KDM5A: variants seen among roughly 807,000 people sequenced by gnomAD.
The protein encoded by KDM5A is lysine demethylase 5A.
KDM5A carries 42 observed loss-of-function variants against 193.5 expected under a neutral mutation model. The observed-to-expected ratio is 0.22, with a 90% CI of 0.17 to 0.28. KDM5A has a LOEUF of 0.28. Among genes scored for constraint, KDM5A ranks in the 10% least tolerant of loss-of-function variants. The probability of loss-of-function intolerance (pLI) is 1.00; values close to 1 mark genes in which losing one functional copy is unlikely to be tolerated. For synonymous variants in KDM5A, 796 were observed against 718.1 expected (o/e 1.11, Z -1.73); for missense variants, 1,692 against 2,055.1 (o/e 0.82, Z 3.42).
chr12:374,104 G>C (rs1944469037), intron 3 of KDM5A, among the ~76,000 whole-genome samples: 1 of 152,118 alleles, frequency 6.6e-6, no homozygotes, highest in Non-Finnish European at 1.5e-5. Context: ...GATCTGCTTG[G>C]TGCAGAGCTG....
chr12:313,275 A>AT, intron 19 of KDM5A, 81 bp from the exon 20 acceptor site: 1 of 1,482,420 alleles, frequency 6.7e-7, no homozygotes, highest in Non-Finnish European at 9.4e-7. Context: ...GAGAACTTTC[A>AT]TTTACATGAT....
chr12:374,602 T>A (rs376349655), intron 3 of KDM5A, among the ~76,000 whole-genome samples: 1 of 152,236 alleles, frequency 6.6e-6, no homozygotes, highest in Admixed American at 6.5e-5. Flanking sequence ...ATGTGTGAAT[T>A]TGATCCTGTC....
chr12:383,507 G>A (rs1459324929), intron 3 of KDM5A, among the ~76,000 whole-genome samples: 2 of 150,894 alleles, frequency 1.3e-5, no homozygotes, highest in Admixed American at 6.6e-5. Context: ...ATGAGCCACC[G>A]TGCCTGGCCC....
At position 302,448 on chromosome 12, in the gene KDM5A, G is replaced by A. The variant is rs141749963; in HGVS notation, c.4074+4498C>T. Among the ~76,000 whole-genome samples, 450 of 152,294 alleles carry A rather than the reference G, an allele frequency of 3.0e-3. 2 individuals are homozygous for A. Among genetic ancestry groups the A allele is most frequent in the African/African-American group, 0.01 (432 of 41,550 alleles). Reference sequence around the variant, plus strand: ...GACTCCCTATTTAATAAATGGTGTTGGGAAAACTGGCTTAGCCATATGCAG... The same window carrying A: ...GACTCCCTATTTAATAAATGGTGTTAGGAAAACTGGCTTAGCCATATGCAG... On this transcript the variant is annotated intron_variant, in intron 24 of 27. Coordinates refer to ENST00000399788, the MANE Select transcript of KDM5A (RefSeq NM_001042603.3).
chr12:307,531 C>A lies in KDM5A; in HGVS notation c.3853G>T (p.Glu1285Ter). 1 of 1,614,022 alleles carries A rather than the reference C, an allele frequency of 6.2e-7. No individual in the cohort carries two copies. Residue 1285 changes from glutamate (E) to a stop codon, truncating the protein, a stop_gained, in exon 23 of 28, where the codon GAA (glutamate) becomes TAA (stop). Transcript: ENST00000399788. LOFTEE classifies it high-confidence loss of function. The surrounding 1 kb of genome is among the most constrained non-coding windows in gnomAD (Gnocchi z 4.3). ...TCAGTTTTTTCTCGAGCCGCCTGTT[C>A]CACCATACGCTGGCTCAACACAGAT... Reference protein sequence around the residue: ...KLSVLSQRMVEQAAREKTEKI... With the variant: ...KLSVLSQRMV
Position 284,413 on chromosome 12 carries a change from T to C in KDM5A, c.*1043A>G. ...ATCCTCTGATGAAGCCATGGTGTTA[T>C]TCAACAGCATCTGCTGTGGGCCGTA... On this transcript the variant is annotated 3_prime_UTR_variant, in exon 28 of 28. Coordinates refer to ENST00000399788, the MANE Select transcript of KDM5A (RefSeq NM_001042603.3). 4.3e-6 allele frequency: 1 copy of C among 232,466 alleles called. No individual in the cohort carries two copies. The highest frequency in any genetic ancestry group is 8.5e-6 in the Non-Finnish European group (1 of 117,310). The allele number at this position is 232,466 out of a possible 1,614,324, so 14.4% of individuals were successfully genotyped here. A position where few individuals can be genotyped will look rare whatever the true frequency, so the allele number is the denominator to read the frequency against.
At chr12:328,066 A>C (rs1046527260) in intron 14 of KDM5A, among the ~76,000 whole-genome samples, 1 of 152,120 alleles carries the variant, frequency 6.6e-6, no homozygotes, top group Non-Finnish European at 1.5e-5. Flanking sequence ...GCATGAAAAA[A>C]CTTTTAGGGG....
At chr12:333,686 T>C (rs573471878) in intron 11 of KDM5A, 37 bp from the exon 12 acceptor site, 2 of 1,587,984 alleles carry the variant, frequency 1.3e-6, no homozygotes, top group African/African-American at 1.3e-5. Flanking sequence ...AGGCAGAACA[T>C]GGTACCAATG....
At position 295,558 on chromosome 12, in the gene KDM5A, G is replaced by A; in HGVS notation, c.4455+15C>T. 1.9e-6 allele frequency: 3 copies of A among 1,608,488 alleles called. No individual in the cohort carries two copies. Among genetic ancestry groups the A allele is most frequent in the Non-Finnish European group, 2.6e-6 (3 of 1,174,868 alleles). On this transcript the variant is annotated intron_variant, in intron 26 of 27. Transcript: ENST00000399788. Reference sequence around the variant, plus strand: ...TAGTTTTTAACCACTGTTTAAATAAGTATTAAATCCACACCTCCATGATAT... The same window carrying A: ...TAGTTTTTAACCACTGTTTAAATAAATATTAAATCCACACCTCCATGATAT...
intron 14 of KDM5A, among the ~76,000 whole-genome samples, chr12:324,939 T>C (rs1591913893): frequency 6.6e-6 from 1 of 152,302 alleles, no homozygotes; most frequent in East Asian, 1.9e-4. Context: ...CTCCATTTAT[T>C]ATATAACTTT....
Position 307,469 on chromosome 12 carries a change from G to C in KDM5A, c.3915C>G (p.Ala1305=). ...CTAAACTTGCCTGTAAGTCTGGATT[G>C]GCAGCTGCTTTTTGGAGTTCTGCAC... ...IISAELQKAA[A]NPDLQGHLPS... is the part of the protein sequence containing the mutation. Residue 1305 remains alanine (A), a synonymous_variant, in exon 23 of 28, where the codon GCC becomes GCG. Coordinates refer to ENST00000399788, the MANE Select transcript of KDM5A (RefSeq NM_001042603.3). This position sits in a 1 kb window ranked among gnomAD's most constrained non-coding sequence, Gnocchi z 4.3. The C allele has an allele frequency of 6.2e-7, 1 of 1,613,034 alleles. No individual in the cohort carries two copies. The highest frequency in any genetic ancestry group is 8.5e-7 in the Non-Finnish European group (1 of 1,179,986).
intron 10 of KDM5A, among the ~76,000 whole-genome samples, chr12:343,694 TAACA>T (rs1438469598): frequency 6.6e-6 from 1 of 152,140 alleles, no homozygotes; most frequent in African/African-American, 2.4e-5. Flanking sequence ...GAAGGAAAAC[TAACA>T]AACAGAAAGG....
chr12:359,850 G>A (rs539027155), intron 5 of KDM5A, among the ~76,000 whole-genome samples: 77 of 150,336 alleles, frequency 5.1e-4, no homozygotes, highest in Admixed American at 2.1e-3. Context: ...GGAAAGGAGG[G>A]AGGGAGGAAA....
At position 307,981 on chromosome 12, in the gene KDM5A, G is replaced by A; in HGVS notation, c.3403C>T (p.Gln1135Ter). Residue 1135 changes from glutamine (Q) to a stop codon, truncating the protein, a stop_gained, in exon 23 of 28, where the codon CAA becomes TAA. Transcript: ENST00000399788. LOFTEE classifies it high-confidence loss of function. This position sits in a 1 kb window ranked among gnomAD's most constrained non-coding sequence, Gnocchi z 4.3. ...GAATGCATGGCTTCAATCTCTTTTT[G>A]CTCCCGTTCTTTGAAAACTGCCACC... is the stretch of plus-strand genomic sequence containing the variant. ...MVVAVFKERE[Q>*]KEIEAMHSLR... The A allele has an allele frequency of 6.2e-7, 1 of 1,614,028 alleles. No homozygotes were observed. The highest frequency in any genetic ancestry group is 1.1e-5 in the South Asian group (1 of 91,078).
chr12:348,617 T>C (rs1398769164), intron 10 of KDM5A, among the ~76,000 whole-genome samples: 2 of 152,122 alleles, frequency 1.3e-5, no homozygotes. Flanking sequence ...TGCAGGGACA[T>C]GGATGAAGCT....
At chr12:360,720 GA>G (rs1944283537) in intron 5 of KDM5A, among the ~76,000 whole-genome samples, 2 of 152,188 alleles carry the variant, frequency 1.3e-5, no homozygotes, top group Non-Finnish European at 1.5e-5. Flanking sequence ...TATTTGTCAA[GA>G]AACTTCTGTG....
chr12:292,561 T>C (rs1943309770), intron 27 of KDM5A, among the ~76,000 whole-genome samples, 198 bp downstream of exon 27: 1 of 152,246 alleles, frequency 6.6e-6, no homozygotes, highest in Admixed American at 6.5e-5. Flanking sequence ...AGTATATGAT[T>C]TTTGAAATAC....
Position 306,991 on chromosome 12 carries a change from T to G in KDM5A, c.4029A>C (p.Thr1343=), listed in dbSNP as rs1458574085. The change falls in exon 24 of 28, where the codon ACA becomes ACC. Residue 1343 remains threonine, a synonymous_variant. Transcript: ENST00000399788. The part of the protein sequence containing the change: ...RQTMDYDDEE[T]DSDEDIRETY... ...TCTCTCGAATGTCTTCATCAGAGTCTGTTTCTTCATCATCATAGTCCATTG... is the reference window on the plus strand; with the variant it reads ...TCTCTCGAATGTCTTCATCAGAGTCGGTTTCTTCATCATCATAGTCCATTG... 5 of 1,613,962 alleles carry G rather than the reference T, an allele frequency of 3.1e-6. No homozygotes were observed. In the African/African-American group the frequency reaches 6.7e-5, roughly 22 times the overall value.
intron 10 of KDM5A, among the ~76,000 whole-genome samples, chr12:336,043 C>CAAA (rs753624871): frequency 1.8e-3 from 74 of 41,974 alleles, no homozygotes; most frequent in African/African-American, 4.4e-3. Context: ...TACTTCATCT[C>CAAA]AAAAAAAAAA....
Sources: gnomAD v4.1 joint callset for allele counts (sites outside exome capture counted in the v4.1 genomes callset) on GRCh38, gnomAD v4.1.1 for gene constraint, Gnocchi (gnomAD v3.1) non-coding constraint, MANE v1.5 for transcripts, NCBI Gene and HGNC (gene_info 2026-07-23, HGNC 2026-07-21) for gene names.